The following LRBA variants were observed in gnomAD, a reference collection of about 807,000 sequenced individuals.
LRBA encodes the protein lipopolysaccharide-responsive and beige-like anchor protein.
LRBA carries 176 observed loss-of-function variants against 330.0 expected under a neutral mutation model. The observed-to-expected ratio is 0.53, with a 90% CI of 0.47 to 0.60. LRBA has a LOEUF of 0.60. LRBA is among the 20% of genes least tolerant of loss of function. The pLI, the probability that LRBA is intolerant of heterozygous loss-of-function variation, is 0.00. For synonymous variants in LRBA, 1,230 were observed against 1,193.0 expected (o/e 1.03, Z -0.64); for missense variants, 3,259 against 3,444.8 (o/e 0.95, Z 1.35).
chr4:150,481,981 C>T (rs533799766), intron 42 of LRBA, among the ~76,000 whole-genome samples: 3 of 152,046 alleles, frequency 2.0e-5, no homozygotes, highest in Non-Finnish European at 2.9e-5. Flanking sequence ...AAGTTCCTAA[C>T]CTATACATCC....
At chr4:151,009,027 A>ATATAT (rs1491517032) in intron 2 of LRBA, among the ~76,000 whole-genome samples, 2 of 13,472 alleles carry the variant, frequency 1.5e-4, no homozygotes, top group South Asian at 6.8e-3. Context: ...ATATATATAT[A>ATATAT]AAATGGTATT....
intron 30 of LRBA, among the ~76,000 whole-genome samples, chr4:150,819,427 A>T (rs1055546510): frequency 2.0e-5 from 3 of 152,072 alleles, no homozygotes; most frequent in Non-Finnish European, 4.4e-5. Context: ...GCTCAAAAAA[A>T]AAAACTGTAT....
At chr4:150,727,562 A>T (rs191748094) in intron 36 of LRBA, among the ~76,000 whole-genome samples, 2 of 152,320 alleles carry the variant, frequency 1.3e-5, no homozygotes, top group Non-Finnish European at 2.9e-5. Context: ...AATAACAGGA[A>T]TATTAAAAAC....
At chr4:150,658,482 GA>G (rs1445985445) in intron 37 of LRBA, among the ~76,000 whole-genome samples, 2 of 130,218 alleles carry the variant, frequency 1.5e-5, no homozygotes, top group African/African-American at 5.6e-5. Flanking sequence ...CTCAAAACTT[GA>G]AAAACCTATC....
At chr4:150,662,700 C>T (rs1454153591) in intron 37 of LRBA, among the ~76,000 whole-genome samples, 2 of 152,216 alleles carry the variant, frequency 1.3e-5, no homozygotes, top group Non-Finnish European at 2.9e-5. Flanking sequence ...GAGGCCAGTA[C>T]CTCAGGCCTG....
At chr4:150,921,176 T>A (rs371895220) in intron 5 of LRBA, 22 bp downstream of exon 5, 1 of 1,487,544 alleles carries the variant, frequency 6.7e-7, no homozygotes, top group Non-Finnish European at 9.4e-7. Context: ...TGGGAGTGAT[T>A]TCCTCATTAA....
intron 2 of LRBA, among the ~76,000 whole-genome samples, chr4:150,984,365 C>T (rs537809748): frequency 6.6e-6 from 1 of 152,090 alleles, no homozygotes; most frequent in East Asian, 1.9e-4. Flanking sequence ...CAAAATTAGC[C>T]GGGCATGGTG....
rs780702515 is a variant in LRBA, at chr4:150,583,905, C to T, written c.6330+4143G>A. On this transcript the variant is annotated intron_variant, in intron 40 of 56. Coordinates refer to ENST00000651943, the MANE Select transcript of LRBA (RefSeq NM_001364905.1). The surrounding 1 kb of genome is among the most constrained non-coding windows in gnomAD (Gnocchi z 9.8). Reference sequence around the variant, plus strand: ...AACACCCACGAGAAACGGACTGGGACGAGTCGTGCCTGGGCGACCGGCTCA... The same window carrying T: ...AACACCCACGAGAAACGGACTGGGATGAGTCGTGCCTGGGCGACCGGCTCA... 2 of 1,612,628 alleles carry T rather than the reference C, an allele frequency of 1.2e-6. No individual in the cohort carries two copies. Among genetic ancestry groups the T allele is most frequent in the Non-Finnish European group, 8.5e-7 (1 of 1,179,316 alleles).
At chr4:150,435,453 G>A in intron 46 of LRBA, 136 bp downstream of exon 46, 2 of 703,790 alleles carry the variant, frequency 2.8e-6, no homozygotes, top group Non-Finnish European at 2.4e-6. Context: ...GTAATTCTTG[G>A]CCATTTAATT....
intron 40 of LRBA, among the ~76,000 whole-genome samples, chr4:150,531,364 T>C (rs13118531): frequency 0.096 from 14,602 of 152,256 alleles, 966 homozygotes; most frequent in Middle Eastern, 0.15. Context: ...GGCCTTTCCA[T>C]TTACTGTTCC....
chr4:150,287,089 T>C (rs1036201838), intron 53 of LRBA, among the ~76,000 whole-genome samples: 6 of 152,228 alleles, frequency 3.9e-5, no homozygotes, highest in African/African-American at 1.4e-4. Flanking sequence ...TAACACTGTG[T>C]AATCCAGAAG....
At chr4:150,582,885 C>A in intron 40 of LRBA, 2 of 943,812 alleles carry the variant, frequency 2.1e-6, no homozygotes, top group Non-Finnish European at 3.1e-6. Flanking sequence ...CCGGTCAGCC[C>A]AGGTGGAAAA....
chr4:150,347,590 G>T (rs957189754), intron 48 of LRBA, among the ~76,000 whole-genome samples: 1 of 150,430 alleles, frequency 6.6e-6, no homozygotes, highest in Non-Finnish European at 1.5e-5. Context: ...AGGTTGTAAT[G>T]AGCTGAGCTT....
At chr4:150,844,962 C>T (rs967170773) in intron 26 of LRBA, among the ~76,000 whole-genome samples, 183 bp from the exon 27 acceptor site, 7 of 152,168 alleles carry the variant, frequency 4.6e-5, no homozygotes, top group South Asian at 4.1e-4. Context: ...ATATTGTTAG[C>T]TTCCATGCTG....
chr4:150,917,593 A>G (rs1732774516), intron 5 of LRBA, among the ~76,000 whole-genome samples: 1 of 152,196 alleles, frequency 6.6e-6, no homozygotes, highest in South Asian at 2.1e-4. Context: ...AAAAGATCAT[A>G]CTACATAATA....
intron 2 of LRBA, among the ~76,000 whole-genome samples, chr4:150,958,784 G>A (rs1224717862): frequency 1.3e-5 from 2 of 149,068 alleles, no homozygotes; most frequent in Non-Finnish European, 2.9e-5. Context: ...TGCATGGCAA[G>A]AATGATCTTT....
rs150512782 is a variant in LRBA, at chr4:150,756,586, C to T, written c.5645+5197G>A. On this transcript the variant is annotated intron_variant, in intron 35 of 56. Coordinates refer to ENST00000651943, the MANE Select transcript of LRBA (RefSeq NM_001364905.1). ...TATATCTTTCAATTCAATTCAATTT[C>T]AATTAAATACATTTGTAAAGTGAAG... Among the ~76,000 whole-genome samples the T allele has an allele frequency of 7.9e-3, 1,203 of 152,096 alleles. 5 individuals carry two copies. Among genetic ancestry groups the T allele is most frequent in the Middle Eastern group, 0.017 (5 of 294 alleles).
At chr4:150,809,823 G>A (rs1011345021) in intron 31 of LRBA, among the ~76,000 whole-genome samples, 3 of 151,640 alleles carry the variant, frequency 2.0e-5, no homozygotes, top group Non-Finnish European at 2.9e-5. Flanking sequence ...ATTCTAGCCT[G>A]AGTGACAAAG....
At position 150,789,073 on chromosome 4, in the gene LRBA, C is replaced by CA. The variant is rs552576421; in HGVS notation, c.5580+9007dup. On this transcript the variant is annotated intron_variant, in intron 34 of 56. Transcript: ENST00000651943. ...TGGGTGACAGAGTGAGACTCTGTCT[C>CA]AAAAAAATATATATATATATTCAAA... Among the ~76,000 whole-genome samples the CA allele has an allele frequency of 3.0e-4, 46 of 151,998 alleles. No individual in the cohort carries two copies. The East Asian group carries it at 7.6e-3, about 25-fold the overall frequency.
Sources: allele counts gnomAD v4.1 joint callset (sites outside exome capture counted in the v4.1 genomes callset), GRCh38; gene constraint gnomAD v4.1.1; non-coding constraint Gnocchi (gnomAD v3.1); transcripts MANE v1.5; gene names NCBI Gene and HGNC (gene_info 2026-07-23, HGNC 2026-07-21).